HID1: variants seen among roughly 807,000 people sequenced by gnomAD.
HID1 encodes HID1 domain containing.
HID1 carries 42 observed loss-of-function variants against 89.7 expected under a neutral mutation model. That is an observed-to-expected ratio of 0.47 (90% CI 0.37 to 0.61). The LOEUF (loss-of-function observed/expected upper bound fraction) is 0.61. Ranked by LOEUF, HID1 falls within the 20% of genes least tolerant of loss-of-function variation. The probability of loss-of-function intolerance (pLI) is 0.00; values close to 1 mark genes in which losing one functional copy is unlikely to be tolerated. For missense variants in HID1, 854 were observed against 1,039.3 expected, an observed-to-expected ratio of 0.82 and a Z score of 2.45; for synonymous variants, 442 against 433.8, an observed-to-expected ratio of 1.02 and a Z score of -0.24.
chr17:74,961,938 C>A lies in HID1; in HGVS notation c.663G>T (p.Leu221=). The change falls in exon 6 of 19, where the codon CTG becomes CTT. Residue 221 remains leucine, a synonymous_variant. Transcript: ENST00000425042. ...TGCTGCCACTTTCCGGAGCTGGGGGCAGGTACATGGCCTCGGAGAAGCATG... is the reference window on the plus strand; with the variant it reads ...TGCTGCCACTTTCCGGAGCTGGGGGAAGGTACATGGCCTCGGAGAAGCATG... ...LLTCFSEAMY[L]PPAPESGSTN... The A allele has an allele frequency of 6.2e-7, 1 of 1,603,040 alleles. No homozygotes were observed. The highest frequency in any genetic ancestry group is 8.5e-7 in the Non-Finnish European group (1 of 1,174,754).
At position 74,953,013 on chromosome 17, in the gene HID1, G is replaced by A; in HGVS notation, c.2045C>T (p.Pro682Leu). ...SSASGQWSPT[P>L]EWVLSWKSKL... ...CACAGGGTCCCTCCTCACCCACTCT[G>A]GCGTTGGGCTCCACTGCCCACTGGC... is the stretch of plus-strand genomic sequence containing the variant. Residue 682 changes from proline (P) to leucine (L), a missense_variant, in exon 16 of 19, where the codon CCA (proline) becomes CTA (leucine). Pro to Leu is a moderately conservative substitution (Grantham distance 98). Coordinates refer to ENST00000425042, the MANE Select transcript of HID1 (RefSeq NM_030630.3). 1 of 1,606,138 alleles carries A rather than the reference G, an allele frequency of 6.2e-7. No individual in the cohort carries two copies. The highest frequency in any genetic ancestry group is 8.5e-7 in the Non-Finnish European group (1 of 1,177,256).
chr17:74,952,962 C>T (rs756045124), intron 16 of HID1, 44 bp downstream of exon 16: 15 of 1,505,542 alleles, frequency 1.0e-5, no homozygotes, highest in Non-Finnish European at 1.4e-5. Context: ...TACCATCTGC[C>T]CAAACCCCAG....
At position 74,962,976 on chromosome 17, in the gene HID1, T is replaced by C; in HGVS notation, c.493A>G (p.Arg165Gly). ...TGGGGGACACTCACCACAGTGCTCC[T>C]CCGGTGGCTCTGAACCGTGAAGTCC... ...CPDFTVQSHRRSTVDSAEDVH... is the reference protein window; with the variant it reads ...CPDFTVQSHRGSTVDSAEDVH... The change falls in exon 4 of 19, where the codon AGG becomes GGG. Residue 165 changes from arginine to glycine, a missense_variant. Arg to Gly is a moderately radical substitution (Grantham distance 125, BLOSUM62 -2). Coordinates refer to ENST00000425042, the MANE Select transcript of HID1 (RefSeq NM_030630.3). The surrounding 1 kb of genome is among the most constrained non-coding windows in gnomAD (Gnocchi z 4.3). The C allele has an allele frequency of 6.2e-7, 1 of 1,612,132 alleles. No individual in the cohort carries two copies. The highest frequency in any genetic ancestry group is 8.5e-7 in the Non-Finnish European group (1 of 1,178,740).
chr17:74,963,420 G>A, intron 3 of HID1: 1 of 490,686 alleles, frequency 2.0e-6, no homozygotes, highest in Non-Finnish European at 3.6e-6. Context: ...GTGGTGTGGG[G>A]GAGAGAGGAC....
In HID1 at chr17:74,961,954, G is replaced by T. The variant is rs772140976; in HGVS notation, c.647C>A (p.Ser216Tyr). The part of the protein sequence containing the change: ...ELLKLLLTCF[S>Y]EAMYLPPAPE... ...AGCTGGGGGCAGGTACATGGCCTCG[G>T]AGAAGCATGTCAGCAGCAGTTTCAG... is the stretch of plus-strand genomic sequence containing the variant. Residue 216 changes from serine to tyrosine, a missense_variant, in exon 6 of 19, where the codon TCC becomes TAC. Transcript: ENST00000425042. 6.2e-7 allele frequency: 1 copy of T among 1,601,228 alleles called. No individual in the cohort carries two copies. Among genetic ancestry groups the T allele is most frequent in the Non-Finnish European group, 8.5e-7 (1 of 1,174,010 alleles).
rs373717729 is a variant in HID1, at chr17:74,952,254, C to T, written c.2144+15G>A. The T allele has an allele frequency of 1.6e-5, 26 of 1,609,838 alleles. No homozygotes were observed. The African/African-American group carries it at 2.5e-4, about 16-fold the overall frequency. On this transcript the variant is annotated intron_variant, in intron 17 of 18. Transcript: ENST00000425042. Reference sequence around the variant, plus strand: ...CCCCGCCCACAACCCCCGGCCCTGCCGGCGCCCGACTCACTTGTCAATGCA... The same window carrying T: ...CCCCGCCCACAACCCCCGGCCCTGCTGGCGCCCGACTCACTTGTCAATGCA...
chr17:74,970,285 G>A (rs746401536), intron 1 of HID1, among the ~76,000 whole-genome samples: 1 of 152,164 alleles, frequency 6.6e-6, no homozygotes, highest in Non-Finnish European at 1.5e-5. Context: ...TCAGACCTGG[G>A]GGAGCAGTTG....
In HID1 at chr17:74,959,010, G is replaced by A; in HGVS notation, c.1050C>T (p.Ser350=). 2 of 1,596,658 alleles carry A rather than the reference G, an allele frequency of 1.3e-6. No homozygotes were observed. The highest frequency in any genetic ancestry group is 1.7e-6 in the Non-Finnish European group (2 of 1,174,274). The part of the protein sequence containing the change: ...FILKGIARLL[S]NPLLQTYLPN... The stretch of plus-strand genomic sequence containing the variant: ...GCAGGTAGGTCTGGAGCAGGGGGTT[G>A]GACAGCAGCCGGGCTATACCCTTGA... The change falls in exon 9 of 19, where the codon TCC becomes TCT. Residue 350 remains serine, a synonymous_variant. Coordinates refer to ENST00000425042, the MANE Select transcript of HID1 (RefSeq NM_030630.3). This position sits in a 1 kb window ranked among gnomAD's most constrained non-coding sequence, Gnocchi z 4.6.
rs911569963 is a variant in HID1 at position 74,963,790 on chromosome 17, C to T, written c.337G>A (p.Asp113Asn). Residue 113 changes from aspartate to asparagine, a missense_variant, in exon 3 of 19, where the codon GAC becomes AAC. Coordinates refer to ENST00000425042, the MANE Select transcript of HID1 (RefSeq NM_030630.3). ...RVLPYIFEDP[D>N]WRGFFWSTVP... ...GTGGACCAGAAGAAGCCCCTCCAGT[C>T]GGGGTCCTCAAAGATGTAGGGCAGC... is the stretch of plus-strand genomic sequence containing the variant. The T allele has an allele frequency of 6.2e-7, 1 of 1,613,876 alleles. No homozygotes were observed. Among genetic ancestry groups the T allele is most frequent in the African/African-American group, 1.3e-5 (1 of 74,938 alleles).
rs2039660971 is a variant in HID1 at position 74,972,297 on chromosome 17, G to A, written c.66+294C>T. On this transcript the variant is annotated intron_variant, in intron 1 of 18. Transcript: ENST00000425042. This position sits in a 1 kb window ranked among gnomAD's most constrained non-coding sequence, Gnocchi z 6.4. ...GGGGACGCCGCGGGGCGGGACAGGG[G>A]GCGGACAGCTGTGTCGCCGGCTCGG... Among the ~76,000 whole-genome samples, 1 of 152,074 alleles carries A rather than the reference G, an allele frequency of 6.6e-6. No individual in the cohort carries two copies. The highest frequency in any genetic ancestry group is 2.1e-4 in the South Asian group (1 of 4,830).
rs768970807 is a variant in HID1 at position 74,962,221 on chromosome 17, G to A, written c.611+13C>T. 1.3e-6 allele frequency: 2 copies of A among 1,595,494 alleles called. No individual in the cohort carries two copies. The highest frequency in any genetic ancestry group is 8.6e-7 in the Non-Finnish European group (1 of 1,165,722). On this transcript the variant is annotated intron_variant, in intron 5 of 18. Transcript: ENST00000425042. The surrounding 1 kb of genome is among the most constrained non-coding windows in gnomAD (Gnocchi z 4.3). ...CAGCTGCATTGAGGGCTCCGGGCCT[G>A]GGCGAAGCTCACCGGTTCATATCGT...
chr17:74,953,462 G>GC, intron 15 of HID1, 83 bp downstream of exon 15: 26 of 1,114,990 alleles, frequency 2.3e-5, no homozygotes, highest in Non-Finnish European at 3.4e-5. Flanking sequence ...ACCCCAGAGT[G>GC]CCCCGGCCCA....
chr17:74,956,672 C>T (rs1464774211), intron 12 of HID1, among the ~76,000 whole-genome samples: 2 of 152,216 alleles, frequency 1.3e-5, no homozygotes, highest in African/African-American at 4.8e-5. Flanking sequence ...GCACACTACC[C>T]ACCCTGCAGT....
Position 74,972,523 on chromosome 17 carries a change from G to T in HID1, c.66+68C>A. The T allele has an allele frequency of 1.4e-6, 2 of 1,420,070 alleles. No homozygotes were observed. Among genetic ancestry groups the T allele is most frequent in the South Asian group, 1.3e-5 (1 of 78,758 alleles). 88.0% of individuals were successfully genotyped at this position (1,420,070 alleles called of 1,614,324 possible). A position where few individuals can be genotyped will look rare whatever the true frequency, so the allele number is the denominator to read the frequency against. On this transcript the variant is annotated intron_variant, in intron 1 of 18. Coordinates refer to ENST00000425042, the MANE Select transcript of HID1 (RefSeq NM_030630.3). This position sits in a 1 kb window ranked among gnomAD's most constrained non-coding sequence, Gnocchi z 6.4. ...CCATCTCCCGACGAGCCAAGTTCGC[G>T]TACCCCCGGCCCTGCCCAGCCCCCA...
chr17:74,957,988 C>T, intron 12 of HID1, 153 bp downstream of exon 12: 2 of 573,558 alleles, frequency 3.5e-6, no homozygotes, highest in African/African-American at 1.9e-5. Context: ...TGTTGTCACC[C>T]TTTTTTTTTA....
intron 16 of HID1, among the ~76,000 whole-genome samples, chr17:74,952,782 T>C (rs375672527): frequency 6.6e-6 from 1 of 152,048 alleles, no homozygotes; most frequent in African/African-American, 2.4e-5. Flanking sequence ...CTGGCAACAG[T>C]GTAGACAGAG....
At chr17:74,960,767 T>C (rs1280219601) in intron 6 of HID1, among the ~76,000 whole-genome samples, 1 of 152,158 alleles carries the variant, frequency 6.6e-6, no homozygotes, top group Non-Finnish European at 1.5e-5. Flanking sequence ...GGTGGAAGGT[T>C]GAACAGAAGG....
rs370759890 is a variant in HID1, at chr17:74,954,175, C to T, written c.1827G>A (p.Glu609=). 1.9e-6 allele frequency: 3 copies of T among 1,602,554 alleles called. No individual in the cohort carries two copies. Among genetic ancestry groups the T allele is most frequent in the Non-Finnish European group, 2.6e-6 (3 of 1,175,792 alleles). Residue 609 remains glutamate, a synonymous_variant, in exon 14 of 19, where the codon GAG becomes GAA. Transcript: ENST00000425042. ...CCAGACTGGTCTTGAGGGTGCCTGG[C>T]TCTGCAGGGGCAGCGGGGCGGGAGC... The part of the protein sequence containing the change: ...MEGSRPAAPA[E]PGTLKTSLVA...
chr17:74,959,085 G>T lies in HID1; in HGVS notation c.1009-34C>A. 11 of 1,508,840 alleles carry T rather than the reference G, an allele frequency of 7.3e-6. No individual in the cohort carries two copies. The highest frequency in any genetic ancestry group is 9.7e-6 in the Non-Finnish European group (11 of 1,133,436). The allele number at this position is 1,508,840 out of a possible 1,614,324, so 93.5% of individuals were successfully genotyped here. On this transcript the variant is annotated intron_variant, in intron 8 of 18. Coordinates refer to ENST00000425042, the MANE Select transcript of HID1 (RefSeq NM_030630.3). This position sits in a 1 kb window ranked among gnomAD's most constrained non-coding sequence, Gnocchi z 4.6. ...GAGGGCAGAGCAGGGGGCCTGTCCAGCCCAATCCCTGCAGCTCCAGTTTCC... is the reference window on the plus strand; with the variant it reads ...GAGGGCAGAGCAGGGGGCCTGTCCATCCCAATCCCTGCAGCTCCAGTTTCC...
Sources: gnomAD v4.1 joint callset for allele counts (sites outside exome capture counted in the v4.1 genomes callset) on GRCh38, gnomAD v4.1.1 for gene constraint, Gnocchi (gnomAD v3.1) non-coding constraint, MANE v1.5 for transcripts, NCBI Gene and HGNC (gene_info 2026-07-23, HGNC 2026-07-21) for gene names.